The following PUM3 variants were observed in gnomAD, a reference collection of about 807,000 sequenced individuals.
PUM3 encodes pumilio RNA binding family member 3.
A neutral mutation model predicts 84.0 loss-of-function variants in PUM3; 91 were observed. The ratio of observed to expected loss-of-function variants is 1.08; its 90% CI spans 0.91 to 1.29. The LOEUF (loss-of-function observed/expected upper bound fraction) is 1.29, where lower values mean the gene tolerates loss of function less well. PUM3 is among the 50% of genes most tolerant of loss of function. The probability of loss-of-function intolerance (pLI) is 0.00; values close to 1 mark genes in which losing one functional copy is unlikely to be tolerated. For missense variants in PUM3, 1,067 were observed against 767.5 expected (o/e 1.39, Z -4.61); for synonymous variants, 321 against 266.7 (o/e 1.20, Z -1.98).
chr9:2,806,609 T>C (rs533878736), intron 17 of PUM3, among the ~76,000 whole-genome samples: 1 of 152,346 alleles, frequency 6.6e-6, no homozygotes, highest in Non-Finnish European at 1.5e-5. Flanking sequence ...CAAATCTTTT[T>C]TTAAATGAAT....
intron 1 of PUM3, among the ~76,000 whole-genome samples, chr9:2,839,718 G>T (rs1259554370): frequency 6.6e-6 from 1 of 152,214 alleles, no homozygotes; most frequent in African/African-American, 2.4e-5. Flanking sequence ...TAGAACTGAA[G>T]GGTCACATTA....
rs1409374068 is a variant in PUM3, at chr9:2,814,272, C to T, written c.1270-1910G>A. Among the ~76,000 whole-genome samples, 7 of 41,844 alleles carry T rather than the reference C, an allele frequency of 1.7e-4. No individual in the cohort carries two copies. In the South Asian group the frequency reaches 6.7e-3, roughly 40 times the overall value. 27.5% of individuals were successfully genotyped at this position (41,844 alleles called of 152,430 possible). A position where few individuals can be genotyped will look rare whatever the true frequency, so the allele number is the denominator to read the frequency against. ...TGTTGCCCAGGCTGGAGTGCAGTGG[C>T]GTGATCTTGGCTCGCTGCCATCTCT... On this transcript the variant is annotated intron_variant, in intron 13 of 17. Coordinates refer to ENST00000397885, the MANE Select transcript of PUM3 (RefSeq NM_014878.5).
intron 1 of PUM3, among the ~76,000 whole-genome samples, chr9:2,842,833 G>C (rs1816300721): frequency 6.6e-6 from 1 of 151,928 alleles, no homozygotes. Context: ...ATTGTTGTTT[G>C]CCCCACAAAC....
intron 1 of PUM3, among the ~76,000 whole-genome samples, chr9:2,843,393 C>T (rs985275519): frequency 3.3e-5 from 5 of 152,000 alleles, no homozygotes; most frequent in African/African-American, 1.2e-4. Context: ...TTCGTTTCCT[C>T]CCAGCACTTA....
chr9:2,823,912 T>C, intron 11 of PUM3, 78 bp from the exon 12 acceptor site: 1 of 704,308 alleles, frequency 1.4e-6, no homozygotes, highest in Non-Finnish European at 2.3e-6. Flanking sequence ...TTTAATATAA[T>C]ATTTATTAAG....
chr9:2,841,607 C>A (rs889534215), intron 1 of PUM3, among the ~76,000 whole-genome samples: 8 of 151,358 alleles, frequency 5.3e-5, no homozygotes, highest in Non-Finnish European at 1.2e-4. Flanking sequence ...ACATTTCAGA[C>A]AAGATGTTTG....
intron 3 of PUM3, among the ~76,000 whole-genome samples, chr9:2,836,155 C>T (rs1216404771): frequency 6.6e-6 from 1 of 152,178 alleles, no homozygotes; most frequent in African/African-American, 2.4e-5. Flanking sequence ...CTCCCTACCT[C>T]CTTGTCTTAA....
intron 13 of PUM3, among the ~76,000 whole-genome samples, chr9:2,815,826 G>A (rs974619381): frequency 6.6e-6 from 1 of 152,146 alleles, no homozygotes; most frequent in Non-Finnish European, 1.5e-5. Context: ...TTAACTTACA[G>A]AAAATTCACA....
chr9:2,839,979 C>G (rs1816226623), intron 1 of PUM3, among the ~76,000 whole-genome samples: 1 of 152,188 alleles, frequency 6.6e-6, no homozygotes, highest in South Asian at 2.1e-4. Flanking sequence ...AGTTTTTCCA[C>G]TAATATCCTC....
chr9:2,821,137 A>G (rs1252826577), intron 12 of PUM3, among the ~76,000 whole-genome samples: 1 of 152,166 alleles, frequency 6.6e-6, no homozygotes, highest in Non-Finnish European at 1.5e-5. Flanking sequence ...CTATACAAAG[A>G]CCAACAACCA....
chr9:2,817,542 A>ATCTTT (rs1456920095), intron 13 of PUM3, among the ~76,000 whole-genome samples: 13 of 152,380 alleles, frequency 8.5e-5, no homozygotes, highest in African/African-American at 3.1e-4. Flanking sequence ...GATGCAGAAA[A>ATCTTT]ATACATGTAA....
chr9:2,839,661 T>C (rs932971471), intron 1 of PUM3, among the ~76,000 whole-genome samples: 1 of 152,182 alleles, frequency 6.6e-6, no homozygotes, highest in Non-Finnish European at 1.5e-5. Flanking sequence ...TTCTAATGAT[T>C]TTGAAAAATG....
chr9:2,837,447 C>G (rs1816158637), intron 2 of PUM3, 46 bp from the exon 3 acceptor site: 1 of 1,264,514 alleles, frequency 7.9e-7, no homozygotes, highest in South Asian at 1.3e-5. Flanking sequence ...GGGCCCAAAT[C>G]TCTTTTATCT....
At chr9:2,822,931 A>G (rs1415149264) in intron 12 of PUM3, among the ~76,000 whole-genome samples, 1 of 151,718 alleles carries the variant, frequency 6.6e-6, no homozygotes, top group African/African-American at 2.4e-5. Context: ...ACAATCACAC[A>G]GCATTAATTT....
chr9:2,834,991 C>G (rs1816082500), intron 3 of PUM3, among the ~76,000 whole-genome samples: 1 of 138,990 alleles, frequency 7.2e-6, no homozygotes, highest in Non-Finnish European at 1.5e-5. Context: ...CTCCCTGTCT[C>G]TATAAAAAAC....
chr9:2,842,651 AATCT>A (rs1022918129), intron 1 of PUM3, among the ~76,000 whole-genome samples: 1 of 152,000 alleles, frequency 6.6e-6, no homozygotes, highest in African/African-American at 2.4e-5. Flanking sequence ...GGTCTCATCC[AATCT>A]CCTGGCTTTT....
At chr9:2,814,042 T>A (rs1821420528) in intron 13 of PUM3, among the ~76,000 whole-genome samples, 1 of 29,380 alleles carries the variant, frequency 3.4e-5, no homozygotes, top group Non-Finnish European at 6.2e-5. Context: ...TTCAGAGAGC[T>A]GAAAATTCAA....
chr9:2,836,494 G>C (rs976108970), intron 3 of PUM3, among the ~76,000 whole-genome samples: 2 of 152,160 alleles, frequency 1.3e-5, no homozygotes, highest in African/African-American at 4.8e-5. Context: ...GACAGAGATG[G>C]GCAGTTTGTT....
At position 2,829,771 on chromosome 9, in the gene PUM3, C is replaced by A; in HGVS notation, c.852+3G>T. ...ACTAGAAAAAGACTTCTGGAGATGTCACCTTGTAAAGCTGAAATGTGTTCC... is the reference window on the plus strand; with the variant it reads ...ACTAGAAAAAGACTTCTGGAGATGTAACCTTGTAAAGCTGAAATGTGTTCC... On this transcript the variant is annotated splice_donor_region_variant and intron_variant, in intron 8 of 17. Transcript: ENST00000397885. 6.2e-7 allele frequency: 1 copy of A among 1,604,734 alleles called. No individual in the cohort carries two copies. The highest frequency in any genetic ancestry group is 1.7e-5 in the Admixed American group (1 of 59,108).
Sources: gnomAD v4.1 joint callset for allele counts (sites outside exome capture counted in the v4.1 genomes callset) on GRCh38, gnomAD v4.1.1 for gene constraint, MANE v1.5 for transcripts, NCBI Gene and HGNC (gene_info 2026-07-23, HGNC 2026-07-21) for gene names.